The following NRDC variants were observed in gnomAD, a reference collection of about 807,000 sequenced individuals.
NRDC encodes nardilysin convertase, also known as nardilysin.
A neutral mutation model predicts 147.1 loss-of-function variants in NRDC; 54 were observed. The observed-to-expected ratio is 0.37, with a 90% CI of 0.29 to 0.46. The LOEUF is 0.46. Among genes scored for constraint, NRDC ranks in the 20% least tolerant of loss-of-function variants. The probability of loss-of-function intolerance (pLI) is 1.00; values close to 1 mark genes in which losing one functional copy is unlikely to be tolerated. For synonymous variants in NRDC, 440 were observed against 482.1 expected (o/e 0.91, Z 1.14); for missense variants, 1,082 against 1,370.6 (o/e 0.79, Z 3.33).
chr1:51,814,294 A>AT (rs1679858850), intron 13 of NRDC: 1 of 575,812 alleles, frequency 1.7e-6, no homozygotes, highest in Admixed American at 3.3e-5. Context: ...TGAACCTAGA[A>AT]TAAAAGTTTA....
intron 1 of NRDC, among the ~76,000 whole-genome samples, chr1:51,867,925 G>A (rs1429146793): frequency 6.6e-6 from 1 of 152,200 alleles, no homozygotes; most frequent in African/African-American, 2.4e-5. Flanking sequence ...CTCTCCTGAA[G>A]ATGGAAACAA....
At chr1:51,819,434 G>A (rs1680117324) in intron 9 of NRDC, among the ~76,000 whole-genome samples, 1 of 152,054 alleles carries the variant, frequency 6.6e-6, no homozygotes, top group African/African-American at 2.4e-5. Flanking sequence ...AAAAGGAAAC[G>A]ATTGCCAAAG....
At chr1:51,869,238 C>T (rs186080137) in intron 1 of NRDC, among the ~76,000 whole-genome samples, 15 of 152,258 alleles carry the variant, frequency 9.9e-5, no homozygotes, top group Non-Finnish European at 1.8e-4. Context: ...TGAACCAGCG[C>T]GCCCAGCCAG....
At chr1:51,833,939 A>T in intron 4 of NRDC, 78 bp downstream of exon 4, 1 of 1,246,504 alleles carries the variant, frequency 8.0e-7, no homozygotes, top group Non-Finnish European at 1.1e-6. Flanking sequence ...TGACAATTCT[A>T]CTGTACAAGA....
Position 51,809,412 on chromosome 1 carries a change from G to A in NRDC, c.1904-11C>T, listed in dbSNP as rs1409419316. On this transcript the variant is annotated splice_polypyrimidine_tract_variant and intron_variant, in intron 16 of 30. Coordinates refer to ENST00000352171, the MANE Select transcript of NRDC (RefSeq NM_001101662.2). ...AAGAGTTTTCAATATCTGTAAAGGA[G>A]AAAAATAAACTGACCCAATAAACAA... The A allele has an allele frequency of 6.4e-7, 1 of 1,570,578 alleles. No individual in the cohort carries two copies. Among genetic ancestry groups the A allele is most frequent in the African/African-American group, 1.4e-5 (1 of 74,056 alleles).
Position 51,798,363 on chromosome 1 carries a change from G to C in NRDC, c.2490C>G (p.Asp830Glu). The C allele has an allele frequency of 6.2e-7, 1 of 1,614,006 alleles. No homozygotes were observed. Among genetic ancestry groups the C allele is most frequent in the Non-Finnish European group, 8.5e-7 (1 of 1,179,936 alleles). ...GGCCGTCCATCAAAGCCTGGTACTTGTCAATCATAGACCAACGGGCATATT... is the reference window on the plus strand; with the variant it reads ...GGCCGTCCATCAAAGCCTGGTACTTCTCAATCATAGACCAACGGGCATATT... ...ILEYARWSMI[D>E]KYQALMDGLS... Residue 830 changes from aspartate (D) to glutamate (E), a missense_variant, in exon 22 of 31, where the codon GAC becomes GAG. This residue lies in a region of NRDC where 635 missense variants were observed against 923.8 expected (regional missense o/e 0.69). Transcript: ENST00000352171.
At chr1:51,794,386 G>T (rs187586347) in intron 24 of NRDC, 86 bp downstream of exon 24, 4 of 1,336,208 alleles carry the variant, frequency 3.0e-6, no homozygotes, top group South Asian at 1.3e-5. Context: ...AACTACAGAA[G>T]TAACTATAAA....
intron 1 of NRDC, among the ~76,000 whole-genome samples, chr1:51,846,324 G>T (rs371520755): frequency 6.6e-6 from 1 of 152,236 alleles, no homozygotes; most frequent in South Asian, 2.1e-4. Context: ...ATGTTGGCCA[G>T]GCTGGTCTCA....
chr1:51,803,190 C>A (rs1679286963), intron 20 of NRDC, among the ~76,000 whole-genome samples: 1 of 152,116 alleles, frequency 6.6e-6, no homozygotes, highest in Admixed American at 6.5e-5. Flanking sequence ...ATTTGTTATT[C>A]CACAGCCGGC....
At chr1:51,874,294 A>G (rs1453473203) in intron 1 of NRDC, among the ~76,000 whole-genome samples, 1 of 151,992 alleles carries the variant, frequency 6.6e-6, no homozygotes, top group Non-Finnish European at 1.5e-5. Context: ...AGTGTTCTTC[A>G]TTGTTAAAAT....
At chr1:51,809,508 GGAATACTGTGACTGA>G (rs1195326625) in intron 16 of NRDC, 107 bp from the exon 17 acceptor site, 35 of 809,148 alleles carry the variant, frequency 4.3e-5, no homozygotes, top group Non-Finnish European at 7.4e-5. Flanking sequence ...TCCTTTCTCA[GGAATACTGTGACTGA>G]CACATATCCA....
chr1:51,816,262 T>C, intron 11 of NRDC, 50 bp downstream of exon 11: 1 of 1,220,636 alleles, frequency 8.2e-7, no homozygotes, highest in African/African-American at 1.5e-5. Context: ...TATTGTCTAC[T>C]ATTTTTCAGA....
chr1:51,841,239 T>G (rs1480835210), intron 1 of NRDC, among the ~76,000 whole-genome samples: 1 of 152,180 alleles, frequency 6.6e-6, no homozygotes, highest in Non-Finnish European at 1.5e-5. Context: ...CTGATTCTTA[T>G]CTGCAAAACT....
Position 51,803,807 on chromosome 1 carries a change from T to C in NRDC, c.2313+7A>G, listed in dbSNP as rs1679325215. On this transcript the variant is annotated splice_region_variant and intron_variant, in intron 20 of 30. Coordinates refer to ENST00000352171, the MANE Select transcript of NRDC (RefSeq NM_001101662.2). ...CTCTATAAGGAAAACAGAGTACTTG[T>C]ACTTACAGGTAGTTTGTGGTTAAAT... 6.2e-7 allele frequency: 1 copy of C among 1,609,990 alleles called. No individual in the cohort carries two copies. The highest frequency in any genetic ancestry group is 2.2e-5 in the East Asian group (1 of 44,830).
intron 22 of NRDC, among the ~76,000 whole-genome samples, chr1:51,797,017 G>T (rs964446077): frequency 6.6e-6 from 1 of 151,634 alleles, no homozygotes; most frequent in Non-Finnish European, 1.5e-5. Flanking sequence ...TGGCCAACAC[G>T]GTGAAATCCC....
chr1:51,801,818 C>CGCT (rs1679218337), intron 20 of NRDC, among the ~76,000 whole-genome samples: 1 of 151,652 alleles, frequency 6.6e-6, no homozygotes, highest in South Asian at 2.1e-4. Flanking sequence ...ATGGAGTCTT[C>CGCT]GCTCTATTGC....
intron 2 of NRDC, among the ~76,000 whole-genome samples, chr1:51,839,841 C>T (rs1269615022): frequency 1.3e-5 from 2 of 152,144 alleles, no homozygotes; most frequent in Admixed American, 6.5e-5. Flanking sequence ...CCAGTCTCAC[C>T]AAGGATAACA....
chr1:51,809,332 GCTGGAAGATGAAGAT>G lies in NRDC; in HGVS notation c.1958_1972del (p.Asp653_Pro657del). 3 of 1,613,142 alleles carry G rather than the reference GCTGGAAGATGAAGAT, an allele frequency of 1.9e-6. No individual in the cohort carries two copies. The highest frequency in any genetic ancestry group is 2.5e-6 in the Non-Finnish European group (3 of 1,179,202). ...TTACTGACCTATGTACTTGTTTTCA[GCTGGAAGATGAAGAT>G]CTGGATTTAATTCGAAATTACTATT... On this transcript the variant is annotated inframe_deletion, in exon 17 of 31. Coordinates refer to ENST00000352171, the MANE Select transcript of NRDC (RefSeq NM_001101662.2).
At chr1:51,877,045 G>T (rs965532452) in intron 1 of NRDC, among the ~76,000 whole-genome samples, 1 of 152,116 alleles carries the variant, frequency 6.6e-6, no homozygotes. Flanking sequence ...AAAATTAGCC[G>T]GGCGTGGTGG....
Sources: gnomAD v4.1 joint callset for allele counts (sites outside exome capture counted in the v4.1 genomes callset) on GRCh38, gnomAD v4.1.1 for gene constraint, gnomAD v4.1.1 regional missense constraint, MANE v1.5 for transcripts, NCBI Gene and HGNC (gene_info 2026-07-23, HGNC 2026-07-21) for gene names.